The following SORCS1 variants were observed in gnomAD, a reference collection of about 807,000 sequenced individuals.
SORCS1 encodes sortilin related VPS10 domain containing receptor 1, also known as VPS10 domain-containing receptor SorCS1.
A neutral mutation model predicts 146.1 loss-of-function variants in SORCS1; 60 were observed. The observed-to-expected ratio is 0.41, with a 90% confidence interval of 0.33 to 0.51. SORCS1 has a LOEUF of 0.51. SORCS1 is among the 20% of genes least tolerant of loss of function. The pLI, the probability that SORCS1 is intolerant of heterozygous loss-of-function variation, is 0.21. For missense variants in SORCS1, 1,352 were observed against 1,487.6 expected (o/e 0.91, Z 1.50); for synonymous variants, 637 against 584.0 (o/e 1.09, Z -1.31).
intron 5 of SORCS1, among the ~76,000 whole-genome samples, chr10:106,755,060 T>C (rs1033825858): frequency 6.6e-6 from 1 of 152,222 alleles, no homozygotes; most frequent in African/African-American, 2.4e-5. Flanking sequence ...TAAACTTGAC[T>C]CAGATCCTAA....
chr10:107,048,580 T>C (rs1312739846), intron 1 of SORCS1, among the ~76,000 whole-genome samples: 2 of 152,216 alleles, frequency 1.3e-5, no homozygotes, highest in African/African-American at 2.4e-5. Context: ...TATTTAATAA[T>C]ATCTAATAAG....
intron 1 of SORCS1, among the ~76,000 whole-genome samples, chr10:107,005,452 G>T (rs1053308821): frequency 2.0e-5 from 3 of 151,854 alleles, no homozygotes; most frequent in African/African-American, 4.8e-5. Context: ...AGAAATTATG[G>T]TTTTTTTTGA....
intron 2 of SORCS1, among the ~76,000 whole-genome samples, chr10:106,906,439 C>T (rs2138149995): frequency 6.6e-6 from 1 of 152,222 alleles, no homozygotes; most frequent in South Asian, 2.1e-4. Flanking sequence ...ATTTGACTTA[C>T]AGTTCCACAT....
intron 2 of SORCS1, among the ~76,000 whole-genome samples, chr10:106,936,633 G>A (rs569658752): frequency 2.0e-5 from 3 of 152,326 alleles, no homozygotes; most frequent in East Asian, 3.9e-4. Context: ...TGCTGGCAGA[G>A]CTACTGTTCA....
intron 1 of SORCS1, among the ~76,000 whole-genome samples, chr10:107,072,875 C>G (rs562078641): frequency 1.3e-5 from 2 of 151,922 alleles, no homozygotes; most frequent in African/African-American, 4.8e-5. Flanking sequence ...ACAGCCAGCT[C>G]GGGACACCAG....
chr10:107,102,706 G>A (rs910279618), intron 1 of SORCS1, among the ~76,000 whole-genome samples: 2 of 152,012 alleles, frequency 1.3e-5, no homozygotes, highest in African/African-American at 2.4e-5. Context: ...GTGGTTCTTC[G>A]GCTTAACTCA....
chr10:106,829,802 G>T, intron 2 of SORCS1, 129 bp from the exon 3 acceptor site: 1 of 562,824 alleles, frequency 1.8e-6, no homozygotes, highest in Non-Finnish European at 3.1e-6. Flanking sequence ...AGTATATAAT[G>T]ATGCTTAATT....
chr10:106,842,454 G>A (rs999378294), intron 2 of SORCS1, among the ~76,000 whole-genome samples: 5 of 151,970 alleles, frequency 3.3e-5, no homozygotes, highest in Admixed American at 2.0e-4. Flanking sequence ...GGCTGGTCTC[G>A]AACTTCTGAC....
At chr10:106,652,221 A>C (rs1849915880) in intron 18 of SORCS1, among the ~76,000 whole-genome samples, 161 bp downstream of exon 18, 1 of 152,226 alleles carries the variant, frequency 6.6e-6, no homozygotes, top group Non-Finnish European at 1.5e-5. Flanking sequence ...AGGGAAGGTG[A>C]AGTGATAATA....
intron 23 of SORCS1, chr10:106,600,468 C>A: frequency 1.0e-6 from 1 of 983,140 alleles, no homozygotes; most frequent in Non-Finnish European, 1.2e-6. Context: ...TCAATTAGAA[C>A]CATGTGCTTT....
At chr10:107,030,114 T>C (rs570170460) in intron 1 of SORCS1, among the ~76,000 whole-genome samples, 6 of 152,106 alleles carry the variant, frequency 3.9e-5, no homozygotes, top group Admixed American at 1.3e-4. Context: ...ACATCAGGAG[T>C]GGTCTACTCC....
chr10:106,684,585 A>G (rs781537286), intron 10 of SORCS1, among the ~76,000 whole-genome samples: 12 of 152,168 alleles, frequency 7.9e-5, no homozygotes, highest in Non-Finnish European at 1.8e-4. Flanking sequence ...CCAGGCAATC[A>G]GTCTAAAAGT....
intron 16 of SORCS1, 126 bp from the exon 17 acceptor site, chr10:106,667,928 A>C (rs1350120559): frequency 1.4e-5 from 9 of 623,540 alleles, no homozygotes; most frequent in Non-Finnish European, 2.3e-5. Flanking sequence ...TAAAAACAAA[A>C]AAAAAAAACA....
At chr10:106,910,278 T>G (rs942746020) in intron 2 of SORCS1, among the ~76,000 whole-genome samples, 2 of 134,076 alleles carry the variant, frequency 1.5e-5, no homozygotes, top group Non-Finnish European at 3.2e-5. Flanking sequence ...CTCCGTCTCT[T>G]TACATTGTGT....
At chr10:107,086,234 AC>A (rs1399871292) in intron 1 of SORCS1, among the ~76,000 whole-genome samples, 3 of 152,296 alleles carry the variant, frequency 2.0e-5, no homozygotes, top group African/African-American at 7.2e-5. Flanking sequence ...AGCCAAGACT[AC>A]AAAAAATGTG....
intron 1 of SORCS1, among the ~76,000 whole-genome samples, chr10:107,059,004 G>A (rs1326464492): frequency 3.3e-5 from 5 of 152,274 alleles, no homozygotes; most frequent in Admixed American, 6.5e-5. Flanking sequence ...TTTTTATCAC[G>A]TGCTAAAACT....
Position 106,939,315 on chromosome 10 carries a change from A to C in SORCS1, c.626+17198T>G, listed in dbSNP as rs376447137. Among the ~76,000 whole-genome samples the C allele has an allele frequency of 9.2e-5, 14 of 152,322 alleles. No individual in the cohort carries two copies. In the South Asian group the frequency reaches 2.7e-3, roughly 29 times the overall value. On this transcript the variant is annotated intron_variant, in intron 2 of 25. Coordinates refer to ENST00000263054, the MANE Select transcript of SORCS1 (RefSeq NM_052918.5). ...TAATGCAATGAATATAAATTTCCCA[A>C]TTAATTTGGTTTAGGATTGGAGATG...
intron 2 of SORCS1, among the ~76,000 whole-genome samples, chr10:106,902,149 A>G (rs574554165): frequency 3.9e-5 from 6 of 152,298 alleles, no homozygotes; most frequent in African/African-American, 1.2e-4. Flanking sequence ...ACTCTGGTAT[A>G]ATATCAATGA....
At chr10:106,824,537 C>T (rs987329426) in intron 3 of SORCS1, among the ~76,000 whole-genome samples, 1 of 147,392 alleles carries the variant, frequency 6.8e-6, no homozygotes, top group Non-Finnish European at 1.5e-5. Flanking sequence ...TGCAGTGAGC[C>T]GAGATTGTGC....
Sources: gnomAD v4.1 joint callset for allele counts (sites outside exome capture counted in the v4.1 genomes callset) on GRCh38, gnomAD v4.1.1 for gene constraint, MANE v1.5 for transcripts, NCBI Gene and HGNC (gene_info 2026-07-23, HGNC 2026-07-21) for gene names.